CHD2: variants seen among roughly 807,000 people sequenced by gnomAD.
CHD2 encodes ATP-dependent chromatin remodeler CHD2.
A neutral mutation model predicts 243.9 loss-of-function variants in CHD2; 28 were observed. That is an observed-to-expected ratio of 0.11 (90% CI 0.09 to 0.16). The LOEUF is 0.16. Among genes scored for constraint, CHD2 ranks in the 10% least tolerant of loss-of-function variants. CHD2 has a pLI of 1.00. For missense variants in CHD2, 1,386 were observed against 2,209.8 expected, an observed-to-expected ratio of 0.63 and a Z score of 7.47; for synonymous variants, 775 against 779.0, an observed-to-expected ratio of 0.99 and a Z score of 0.09.
At chr15:92,939,433 G>A in intron 6 of CHD2, 145 bp from the exon 7 acceptor site, 1 of 839,640 alleles carries the variant, frequency 1.2e-6, no homozygotes, top group Non-Finnish European at 1.8e-6. Context: ...AGGGAGTAGG[G>A]CCCAAGAATA....
At chr15:93,015,488 C>T (rs1176463737) in intron 37 of CHD2, among the ~76,000 whole-genome samples, 2 of 152,028 alleles carry the variant, frequency 1.3e-5, no homozygotes, top group African/African-American at 4.8e-5. Context: ...ATGGTTAAAA[C>T]TGCTAATCTT....
chr15:92,995,114 T>C (rs2054170532), intron 28 of CHD2, among the ~76,000 whole-genome samples: 1 of 152,210 alleles, frequency 6.6e-6, no homozygotes, highest in Admixed American at 6.5e-5. Flanking sequence ...CGAAGTGTGA[T>C]TTCTTTGCAT....
intron 26 of CHD2, among the ~76,000 whole-genome samples, chr15:92,987,844 T>TA (rs201902925): frequency 9.8e-4 from 146 of 148,734 alleles, no homozygotes; most frequent in Non-Finnish European, 1.5e-3. Flanking sequence ...TTAATTACCT[T>TA]AAAAAAAAAA....
At chr15:92,945,627 G>A (rs1054152259) in intron 10 of CHD2, 194 bp from the exon 11 acceptor site, 13 of 327,488 alleles carry the variant, frequency 4.0e-5, no homozygotes, top group African/African-American at 2.6e-4. Flanking sequence ...TGAACTGCTG[G>A]CCTCAAGCAA....
intron 17 of CHD2, among the ~76,000 whole-genome samples, chr15:92,969,135 A>G (rs758341999): frequency 4.0e-4 from 61 of 152,246 alleles, no homozygotes; most frequent in Non-Finnish European, 7.8e-4. Flanking sequence ...TCAGTTGGTC[A>G]GTGCTATTTT....
intron 14 of CHD2, chr15:92,953,992 T>C (rs1049271446): frequency 6.3e-6 from 1 of 159,150 alleles, no homozygotes; most frequent in African/African-American, 2.4e-5. Context: ...TTGCATAACT[T>C]ATAAAAAAGG....
intron 2 of CHD2, among the ~76,000 whole-genome samples, chr15:92,917,203 A>C (rs1291236617): frequency 3.3e-5 from 5 of 152,240 alleles, no homozygotes; most frequent in Admixed American, 2.6e-4. Flanking sequence ...TATTCTGAAG[A>C]AGCACAGGAC....
chr15:92,919,028 G>A (rs2052900612), intron 2 of CHD2, among the ~76,000 whole-genome samples: 2 of 151,930 alleles, frequency 1.3e-5, no homozygotes, highest in South Asian at 4.1e-4. Context: ...CTGGCTAATT[G>A]TTTTTTTAGT....
At chr15:92,972,221 T>G (rs1861151751) in intron 18 of CHD2, 44 bp from the exon 19 acceptor site, 2 of 1,580,860 alleles carry the variant, frequency 1.3e-6, no homozygotes, top group Non-Finnish European at 1.7e-6. Context: ...AAGATTAAAA[T>G]TTGTGTTTCA....
At chr15:92,978,027 G>A in intron 20 of CHD2, 1 of 580,182 alleles carries the variant, frequency 1.7e-6, no homozygotes, top group Admixed American at 2.7e-5. Flanking sequence ...CTCTACTCCT[G>A]TTCATGGCAC....
chr15:92,945,824 T>C lies in CHD2; in HGVS notation c.1157T>C (p.Val386Ala). ...GTCTTATTTTTTATTTGTTTAGCTG[T>C]GAAGACAAGTAAATCTACATTGGGT... ...QYQIVERVIA[V>A]KTSKSTLGQT... is the part of the protein sequence containing the mutation. Residue 386 changes from valine (V) to alanine (A), a missense_variant, in exon 11 of 39, where the codon GTG becomes GCG. Coordinates refer to ENST00000394196, the MANE Select transcript of CHD2 (RefSeq NM_001271.4). 6.4e-7 allele frequency: 1 copy of C among 1,568,958 alleles called. No individual in the cohort carries two copies. The highest frequency in any genetic ancestry group is 8.7e-7 in the Non-Finnish European group (1 of 1,154,974).
At position 92,954,581 on chromosome 15, in the gene CHD2, T is replaced by A. The variant is rs572120437; in HGVS notation, c.1720-842T>A. On this transcript the variant is annotated intron_variant, in intron 14 of 38. Coordinates refer to ENST00000394196, the MANE Select transcript of CHD2 (RefSeq NM_001271.4). ...GTTTCTAAGAATATAGTTTTAGCTT[T>A]GTTAAATCATTAGTTAACCGTTAAA... is the stretch of plus-strand genomic sequence containing the variant. 2.6e-5 allele frequency among the ~76,000 whole-genome samples: 4 copies of A among 152,384 alleles called. 1 individual carries two copies. In the South Asian group the frequency reaches 8.3e-4, roughly 32 times the overall value.
At chr15:93,000,013 C>G (rs548278505) in intron 31 of CHD2, among the ~76,000 whole-genome samples, 1 of 152,268 alleles carries the variant, frequency 6.6e-6, no homozygotes, top group African/African-American at 2.4e-5. Flanking sequence ...AATCCCAGCA[C>G]TTTGGGAGGC....
intron 17 of CHD2, among the ~76,000 whole-genome samples, chr15:92,970,288 G>A (rs1288472797): frequency 6.6e-6 from 1 of 151,860 alleles, no homozygotes; most frequent in Non-Finnish European, 1.5e-5. Context: ...CTCAACCTCC[G>A]CCTCCCAGGT....
chr15:92,913,966 C>T (rs1031399078), intron 2 of CHD2, among the ~76,000 whole-genome samples: 1 of 152,234 alleles, frequency 6.6e-6, no homozygotes, highest in African/African-American at 2.4e-5. Flanking sequence ...CCAGGGACCC[C>T]TCTTACTCCC....
chr15:92,974,008 C>T (rs2053876087), intron 19 of CHD2: 1 of 152,312 alleles, frequency 6.6e-6, no homozygotes, highest in South Asian at 2.1e-4. Flanking sequence ...TAGGCCCTTC[C>T]ACAGAGTCTG....
At position 92,998,629 on chromosome 15, in the gene CHD2, C is replaced by G. The variant is rs764966782; in HGVS notation, c.4008+8C>G. The G allele has an allele frequency of 1.9e-6, 3 of 1,610,548 alleles. No individual in the cohort carries two copies. The highest frequency in any genetic ancestry group is 2.5e-6 in the Non-Finnish European group (3 of 1,178,672). ...GTGACAGGTGGGGAAGAGGTGAGTACGCTGCCAGCTGGTTGTTTTTCAGGG... is the reference window on the plus strand; with the variant it reads ...GTGACAGGTGGGGAAGAGGTGAGTAGGCTGCCAGCTGGTTGTTTTTCAGGG... On this transcript the variant is annotated splice_region_variant and intron_variant, in intron 31 of 38. Transcript: ENST00000394196. This position sits in a 1 kb window ranked among gnomAD's most constrained non-coding sequence, Gnocchi z 5.1.
rs2054198648 is a variant in CHD2 at position 92,997,129 on chromosome 15, G to A, written c.3734+34G>A. 6.9e-6 allele frequency: 11 copies of A among 1,604,594 alleles called. No homozygotes were observed. Among genetic ancestry groups the A allele is most frequent in the South Asian group, 1.1e-5 (1 of 89,282 alleles). On this transcript the variant is annotated intron_variant, in intron 29 of 38. Coordinates refer to ENST00000394196, the MANE Select transcript of CHD2 (RefSeq NM_001271.4). The surrounding 1 kb of genome is among the most constrained non-coding windows in gnomAD (Gnocchi z 4.1). ...ATTTTGTGTACATGCTTAGATGGTCGTACCGTAAGAAAATAGATTTGAAGT... is the reference window on the plus strand; with the variant it reads ...ATTTTGTGTACATGCTTAGATGGTCATACCGTAAGAAAATAGATTTGAAGT...
Position 93,026,508 on chromosome 15 carries a change from C to T in CHD2, c.*1803C>T, listed in dbSNP as rs2054587753. On this transcript the variant is annotated 3_prime_UTR_variant, in exon 39 of 39. Transcript: ENST00000394196. ...TGTTGAGAGCTCAGTGGACCCACCC[C>T]GCTTGCTGAACCCTCACAGTTCTTG... The T allele has an allele frequency of 6.6e-6, 1 of 152,276 alleles. No homozygotes were observed. Among genetic ancestry groups the T allele is most frequent in the Non-Finnish European group, 1.5e-5 (1 of 68,092 alleles). The allele number at this position is 152,276 out of a possible 1,614,324, so 9.4% of individuals were successfully genotyped here. A position where few individuals can be genotyped will look rare whatever the true frequency, so the allele number is the denominator to read the frequency against.
Sources: allele counts gnomAD v4.1 joint callset (sites outside exome capture counted in the v4.1 genomes callset), GRCh38; gene constraint gnomAD v4.1.1; non-coding constraint Gnocchi (gnomAD v3.1); transcripts MANE v1.5; gene names NCBI Gene and HGNC (gene_info 2026-07-23, HGNC 2026-07-21).